Variants in MPLKIP observed in about 807,000 individuals in gnomAD.
MPLKIP encodes M-phase-specific PLK1-interacting protein.
In MPLKIP, 16 loss-of-function variants were observed where a neutral mutation model predicts 16.9. That is an observed-to-expected ratio of 0.94 (90% CI 0.64 to 1.43). MPLKIP has a LOEUF of 1.43. Ranked by LOEUF, MPLKIP falls within the 40% of genes most tolerant of loss-of-function variation. The pLI is 0.00. For synonymous variants in MPLKIP, 126 were observed against 98.4 expected (o/e 1.28, Z -1.66); for missense variants, 282 against 237.6 (o/e 1.19, Z -1.23).
chr7:40,134,520 C>T lies in MPLKIP; in HGVS notation c.48G>A (p.Pro16=). The change falls in exon 1 of 2, where the codon CCG becomes CCA. Residue 16 remains proline, a synonymous_variant. Coordinates refer to ENST00000306984, the MANE Select transcript of MPLKIP (RefSeq NM_138701.4). The part of the protein sequence containing the change: ...FRPPTPPYPG[P]GGGGWGSGSS... ...TTCCGCTACCCCAACCTCCTCCACC[C>T]GGACCAGGGTAAGGAGGAGTTGGGG... is the stretch of plus-strand genomic sequence containing the variant. 1.9e-6 allele frequency: 3 copies of T among 1,594,626 alleles called. No individual in the cohort carries two copies. Among genetic ancestry groups the T allele is most frequent in the Admixed American group, 1.7e-5 (1 of 57,220 alleles).
At position 40,129,114 on chromosome 7, in the gene MPLKIP, C is replaced by T. The variant is rs1787428323; in HGVS notation, c.*3945G>A. On this transcript the variant is annotated 3_prime_UTR_variant, in exon 2 of 2. Transcript: ENST00000306984. Reference sequence around the variant, plus strand: ...TGTTAAACTCATGCTCTTTGCTTTCCTTTCACACAATGTACCCACAAAGGA... The same window carrying T: ...TGTTAAACTCATGCTCTTTGCTTTCTTTTCACACAATGTACCCACAAAGGA... 6.6e-6 allele frequency: 1 copy of T among 151,976 alleles called. No homozygotes were observed. Among genetic ancestry groups the T allele is most frequent in the Non-Finnish European group, 1.5e-5 (1 of 68,006 alleles). 9.4% of individuals were successfully genotyped at this position (151,976 alleles called of 1,614,324 possible). A position where few individuals can be genotyped will look rare whatever the true frequency, so the allele number is the denominator to read the frequency against.
In MPLKIP at chr7:40,126,895, C is replaced by T. The variant is rs1787399499; in HGVS notation, c.*6164G>A. 1 of 151,028 alleles carries T rather than the reference C, an allele frequency of 6.6e-6. No individual in the cohort carries two copies. The highest frequency in any genetic ancestry group is 2.4e-5 in the African/African-American group (1 of 41,092). The allele number at this position is 151,028 out of a possible 1,614,324, so 9.4% of individuals were successfully genotyped here. On this transcript the variant is annotated 3_prime_UTR_variant, in exon 2 of 2. Coordinates refer to ENST00000306984, the MANE Select transcript of MPLKIP (RefSeq NM_138701.4). The stretch of plus-strand genomic sequence containing the variant: ...CATCTTAACTCACTGCAACCTCTGC[C>T]TCCCGGGTTCATGCCATTCTCCTGC...
At position 40,130,539 on chromosome 7, in the gene MPLKIP, A is replaced by C. The variant is rs1417340853; in HGVS notation, c.*2520T>G. On this transcript the variant is annotated 3_prime_UTR_variant, in exon 2 of 2. Transcript: ENST00000306984. ...TTACAGTGAAATAAAATGTACGTAG[A>C]CCATTAGAAGAGTTACAGTTTGAAT... 1.3e-5 allele frequency: 2 copies of C among 152,218 alleles called. No homozygotes were observed. Among genetic ancestry groups the C allele is most frequent in the Non-Finnish European group, 2.9e-5 (2 of 68,034 alleles). 9.4% of individuals were successfully genotyped at this position (152,218 alleles called of 1,614,324 possible).
rs1787386390 is a variant in MPLKIP, at chr7:40,126,089, A to AT, written c.*6969dup. On this transcript the variant is annotated 3_prime_UTR_variant, in exon 2 of 2. Transcript: ENST00000306984. Reference sequence around the variant, plus strand: ...TCCAAATTTGGTTGACTTGAAATACATATCCACTCACACATCCATGTCCAT... The same window carrying AT: ...TCCAAATTTGGTTGACTTGAAATACATTATCCACTCACACATCCATGTCCAT... The AT allele has an allele frequency of 6.6e-6, 1 of 152,202 alleles. No individual in the cohort carries two copies. Among genetic ancestry groups the AT allele is most frequent in the Non-Finnish European group, 1.5e-5 (1 of 68,046 alleles). The allele number at this position is 152,202 out of a possible 1,614,324, so 9.4% of individuals were successfully genotyped here.
chr7:40,133,068 G>GT lies in MPLKIP; in HGVS notation c.530dup (p.Tyr177Ter), dbSNP rs759765239. ...TQTFTGKKGR[Y>*]FC ...TTGAATTTCAGAAATGTTAACAAAA[G>GT]TATCTTCCTTTTTTGCCTGTGAATG... The change falls in exon 2 of 2, where the codon TAC becomes TAAC. Residue 177 changes from tyrosine to a stop codon, truncating the protein, a stop_gained and frameshift_variant. Coordinates refer to ENST00000306984, the MANE Select transcript of MPLKIP (RefSeq NM_138701.4). LOFTEE classifies it high-confidence loss of function. 1.2e-6 allele frequency: 2 copies of GT among 1,613,638 alleles called. No homozygotes were observed. The highest frequency in any genetic ancestry group is 1.7e-6 in the Non-Finnish European group (2 of 1,179,780).
rs1787420344 is a variant in MPLKIP, at chr7:40,128,455, A to C, written c.*4604T>G. The C allele has an allele frequency of 6.6e-6, 1 of 152,246 alleles. No individual in the cohort carries two copies. The highest frequency in any genetic ancestry group is 2.4e-5 in the African/African-American group (1 of 41,448). The allele number at this position is 152,246 out of a possible 1,614,324, so 9.4% of individuals were successfully genotyped here. ...TTAAGAATCTGAAAATGTTTCAGAA[A>C]ATATAAATTCATGAACTTACTTCTA... is the stretch of plus-strand genomic sequence containing the variant. On this transcript the variant is annotated 3_prime_UTR_variant, in exon 2 of 2. Coordinates refer to ENST00000306984, the MANE Select transcript of MPLKIP (RefSeq NM_138701.4).
Position 40,128,922 on chromosome 7 carries a change from A to AAAAAAAAG in MPLKIP, c.*4136_*4137insCTTTTTTT. ...CAGAACAAGACTTCGTCTCAAAAAA[A>AAAAAAAAG]AAAAAAAAAAAAAAAGAATGGTGGA... On this transcript the variant is annotated 3_prime_UTR_variant, in exon 2 of 2. Coordinates refer to ENST00000306984, the MANE Select transcript of MPLKIP (RefSeq NM_138701.4). 6.6e-6 allele frequency: 1 copy of AAAAAAAAG among 151,296 alleles called. No homozygotes were observed. The highest frequency in any genetic ancestry group is 2.4e-5 in the African/African-American group (1 of 41,254). The allele number at this position is 151,296 out of a possible 1,614,324, so 9.4% of individuals were successfully genotyped here. A position where few individuals can be genotyped will look rare whatever the true frequency, so the allele number is the denominator to read the frequency against.
chr7:40,134,448 G>C lies in MPLKIP; in HGVS notation c.120C>G (p.Ser40=). ...TPGGGGPRPP[S]PRDGYGSPHH... ...GCGGACTCCCGTACCCGTCTCGAGG[G>C]GAGGGCGGCCGTGGTCCGCCCCCGC... is the stretch of plus-strand genomic sequence containing the variant. The change falls in exon 1 of 2, where the codon TCC becomes TCG. Residue 40 remains serine (S), a synonymous_variant. Transcript: ENST00000306984. 2 of 1,568,388 alleles carry C rather than the reference G, an allele frequency of 1.3e-6. No individual in the cohort carries two copies. The highest frequency in any genetic ancestry group is 1.7e-6 in the Non-Finnish European group (2 of 1,158,510).
Position 40,132,955 on chromosome 7 carries a change from T to C in MPLKIP, c.*104A>G. On this transcript the variant is annotated 3_prime_UTR_variant, in exon 2 of 2. Coordinates refer to ENST00000306984, the MANE Select transcript of MPLKIP (RefSeq NM_138701.4). The stretch of plus-strand genomic sequence containing the variant: ...AATAACAAAAAGACCTTACTAATTA[T>C]CCAATCAAAGTCATCATCTTTGGGT... 1 of 983,772 alleles carries C rather than the reference T, an allele frequency of 1.0e-6. No homozygotes were observed. The allele number at this position is 983,772 out of a possible 1,614,324, so 60.9% of individuals were successfully genotyped here.
In MPLKIP at chr7:40,134,473, C is replaced by T; in HGVS notation, c.95G>A (p.Gly32Asp). The change falls in exon 1 of 2, where the codon GGC becomes GAC. Residue 32 changes from glycine (G) to aspartate (D), a missense_variant. Transcript: ENST00000306984. ...GGAGGGCGGCCGTGGTCCGCCCCCG[C>T]CCGGGGTTCCCCGGAAGCTGCTTCC... ...GSGSSFRGTP[G>D]GGGPRPPSPR... 1 of 1,573,696 alleles carries T rather than the reference C, an allele frequency of 6.4e-7. No individual in the cohort carries two copies. Among genetic ancestry groups the T allele is most frequent in the Non-Finnish European group, 8.6e-7 (1 of 1,161,362 alleles).
rs1787438096 is a variant in MPLKIP at position 40,129,763 on chromosome 7, A to G, written c.*3296T>C. The G allele has an allele frequency of 6.6e-6, 1 of 150,674 alleles. No homozygotes were observed. The highest frequency in any genetic ancestry group is 2.4e-5 in the African/African-American group (1 of 41,140). 9.3% of individuals were successfully genotyped at this position (150,674 alleles called of 1,614,324 possible). A position where few individuals can be genotyped will look rare whatever the true frequency, so the allele number is the denominator to read the frequency against. On this transcript the variant is annotated 3_prime_UTR_variant, in exon 2 of 2. Transcript: ENST00000306984. ...GCCTGGGTAATACAGGGAGGCCCCTATAAGGAGACCCTCTAACTCTTTGAA... is the reference window on the plus strand; with the variant it reads ...GCCTGGGTAATACAGGGAGGCCCCTGTAAGGAGACCCTCTAACTCTTTGAA...
Position 40,133,170 on chromosome 7 carries a change from T to C in MPLKIP, c.429A>G (p.Ser143=), listed in dbSNP as rs867994627. ...GGCCAGCCCAAGGATCTTCAAGCAT[T>C]GAAGGCTTGAAATAATTTTCCAACT... ...SNELENYFKP[S]MLEDPWAGLE... Residue 143 remains serine (S), a synonymous_variant, in exon 2 of 2, where the codon TCA becomes TCG. Transcript: ENST00000306984. 8 of 1,614,038 alleles carry C rather than the reference T, an allele frequency of 5.0e-6. No homozygotes were observed. The Middle Eastern group carries it at 9.9e-4, about 200-fold the overall frequency.
Position 40,134,587 on chromosome 7 carries a change from A to T in MPLKIP, c.-20T>A, listed in dbSNP as rs1292066500. On this transcript the variant is annotated 5_prime_UTR_variant, in exon 1 of 2. Coordinates refer to ENST00000306984, the MANE Select transcript of MPLKIP (RefSeq NM_138701.4). ...CTGCATATCAGGAGCCAAAGCCGAA[A>T]ACCTCGCAGCCGCGTTCTCCCACCG... The T allele has an allele frequency of 6.4e-7, 1 of 1,566,324 alleles. No individual in the cohort carries two copies. Among genetic ancestry groups the T allele is most frequent in the Admixed American group, 1.9e-5 (1 of 53,268 alleles).
chr7:40,132,674 A>C lies in MPLKIP; in HGVS notation c.*385T>G. The C allele has an allele frequency of 3.6e-6, 1 of 275,108 alleles. No homozygotes were observed. The highest frequency in any genetic ancestry group is 7.1e-6 in the Non-Finnish European group (1 of 141,076). The allele number at this position is 275,108 out of a possible 1,614,324, so 17.0% of individuals were successfully genotyped here. ...TAATTTGCAAAACATTTACCTATGA[A>C]CTCTAAGTGACTACAAAGCATTACT... is the stretch of plus-strand genomic sequence containing the variant. On this transcript the variant is annotated 3_prime_UTR_variant, in exon 2 of 2. Coordinates refer to ENST00000306984, the MANE Select transcript of MPLKIP (RefSeq NM_138701.4).
In MPLKIP at chr7:40,134,508, A is replaced by G. The variant is rs1470481104; in HGVS notation, c.60T>C (p.Gly20=). The G allele has an allele frequency of 1.9e-6, 3 of 1,589,098 alleles. No individual in the cohort carries two copies. The highest frequency in any genetic ancestry group is 3.5e-5 in the Admixed American group (2 of 56,362). The part of the protein sequence containing the change: ...TPPYPGPGGG[G]WGSGSSFRGT... The stretch of plus-strand genomic sequence containing the variant: ...CCCGGAAGCTGCTTCCGCTACCCCA[A>G]CCTCCTCCACCCGGACCAGGGTAAG... The change falls in exon 1 of 2, where the codon GGT becomes GGC. Residue 20 remains glycine, a synonymous_variant. Transcript: ENST00000306984.
At chr7:40,133,853 T>G (rs1311991237) in intron 1 of MPLKIP, among the ~76,000 whole-genome samples, 1 of 142,710 alleles carries the variant, frequency 7.0e-6, no homozygotes, top group African/African-American at 2.6e-5. Flanking sequence ...TCAGGGAAGT[T>G]GGAGCAGAAG....
chr7:40,133,400 C>T (rs1308955616), intron 1 of MPLKIP, 141 bp from the exon 2 acceptor site: 2 of 734,124 alleles, frequency 2.7e-6, no homozygotes, highest in African/African-American at 1.8e-5. Context: ...AAAGTCCATG[C>T]TTCCTTTAAT....
Position 40,130,341 on chromosome 7 carries a change from G to A in MPLKIP, c.*2718C>T, listed in dbSNP as rs1003213435. 6.6e-6 allele frequency: 1 copy of A among 152,040 alleles called. No homozygotes were observed. The highest frequency in any genetic ancestry group is 1.5e-5 in the Non-Finnish European group (1 of 68,012). The allele number at this position is 152,040 out of a possible 1,614,324, so 9.4% of individuals were successfully genotyped here. On this transcript the variant is annotated 3_prime_UTR_variant, in exon 2 of 2. Coordinates refer to ENST00000306984, the MANE Select transcript of MPLKIP (RefSeq NM_138701.4). The stretch of plus-strand genomic sequence containing the variant: ...CTCAGATAAATAAAAATAGAGTAAC[G>A]GTAACAAACCAAATGGCCAATGCCA...
chr7:40,133,175 G>C lies in MPLKIP; in HGVS notation c.424C>G (p.Pro142Ala), dbSNP rs762250872. 6.2e-7 allele frequency: 1 copy of C among 1,613,816 alleles called. No individual in the cohort carries two copies. The highest frequency in any genetic ancestry group is 8.5e-7 in the Non-Finnish European group (1 of 1,179,880). The stretch of plus-strand genomic sequence containing the variant: ...GCCCAAGGATCTTCAAGCATTGAAG[G>C]CTTGAAATAATTTTCCAACTCATTA... ...MSNELENYFK[P>A]SMLEDPWAGL... Residue 142 changes from proline to alanine, a missense_variant, in exon 2 of 2, where the codon CCT becomes GCT. Transcript: ENST00000306984.
Sources: allele counts gnomAD v4.1 joint callset (sites outside exome capture counted in the v4.1 genomes callset), GRCh38; gene constraint gnomAD v4.1.1; transcripts MANE v1.5; gene names NCBI Gene and HGNC (gene_info 2026-07-23, HGNC 2026-07-21).